Variants in MAN2A1 observed in about 807,000 individuals in gnomAD.
MAN2A1 encodes mannosidase alpha class 2A member 1.
A neutral mutation model predicts 142.6 loss-of-function variants in MAN2A1; 76 were observed. The ratio of observed to expected loss-of-function variants is 0.53; its 90% confidence interval spans 0.44 to 0.65. The LOEUF (loss-of-function observed/expected upper bound fraction) is 0.65, where lower values mean the gene tolerates loss of function less well. Ranked by LOEUF, MAN2A1 falls within the 30% of genes least tolerant of loss-of-function variation. The pLI, the probability that MAN2A1 is intolerant of heterozygous loss-of-function variation, is 0.00. For synonymous variants in MAN2A1, 559 were observed against 473.2 expected (o/e 1.18, Z -2.35); for missense variants, 1,311 against 1,365.1 (o/e 0.96, Z 0.62).
In MAN2A1 at chr5:109,790,740, A is replaced by T. The variant is rs1014241492; in HGVS notation, c.1943+1213A>T. On this transcript the variant is annotated intron_variant, in intron 12 of 21. Transcript: ENST00000261483. ...TTAGGCATAGTTCTCTCATCTATTA[A>T]CTTTTCTTTCTTTTTATATTTTGGT... 2.0e-5 allele frequency among the ~76,000 whole-genome samples: 3 copies of T among 151,976 alleles called. No homozygotes were observed. The East Asian group carries it at 5.8e-4, about 29-fold the overall frequency.
At chr5:109,789,413 C>T (rs760828460) in intron 11 of MAN2A1, 47 bp from the exon 12 acceptor site, 8 of 1,102,466 alleles carry the variant, frequency 7.3e-6, no homozygotes, top group Non-Finnish European at 1.1e-5. Context: ...CAGGATGAGT[C>T]CATGGAGTGT....
intron 13 of MAN2A1, among the ~76,000 whole-genome samples, chr5:109,819,000 C>G (rs757454764): frequency 2.0e-5 from 3 of 152,174 alleles, no homozygotes; most frequent in Non-Finnish European, 4.4e-5. Flanking sequence ...CAGATGATCC[C>G]TGACTTACAA....
intron 1 of MAN2A1, among the ~76,000 whole-genome samples, chr5:109,706,786 C>G (rs1257729337): frequency 6.6e-6 from 1 of 151,816 alleles, no homozygotes; most frequent in African/African-American, 2.4e-5. Flanking sequence ...GGTATAGATC[C>G]TAAGTTTCAG....
At chr5:109,701,199 A>T (rs569040273) in intron 1 of MAN2A1, among the ~76,000 whole-genome samples, 6 of 152,342 alleles carry the variant, frequency 3.9e-5, no homozygotes, top group Non-Finnish European at 7.3e-5. Context: ...AAGAGAACTC[A>T]AAAACAGAAA....
intron 1 of MAN2A1, chr5:109,699,481 C>T (rs1480059560): frequency 1.3e-5 from 2 of 151,968 alleles, no homozygotes; most frequent in Non-Finnish European, 2.9e-5. Flanking sequence ...GTTCTCACCA[C>T]AAAAAAGAAT....
chr5:109,782,091 G>T (rs528298432), intron 9 of MAN2A1, among the ~76,000 whole-genome samples: 5 of 152,260 alleles, frequency 3.3e-5, no homozygotes, highest in African/African-American at 1.2e-4. Context: ...CTTCATCTCA[G>T]TTCTTACATA....
At chr5:109,731,289 C>G (rs1751900277) in intron 4 of MAN2A1, among the ~76,000 whole-genome samples, 1 of 150,766 alleles carries the variant, frequency 6.6e-6, no homozygotes, top group South Asian at 2.1e-4. Context: ...AAGCAATTGA[C>G]CAATCAATTT....
In MAN2A1 at chr5:109,845,983, T is replaced by C. The variant is rs755214795; in HGVS notation, c.2819T>C (p.Leu940Ser). 94 of 1,612,750 alleles carry C rather than the reference T, an allele frequency of 5.8e-5. No individual in the cohort carries two copies. The highest frequency in any genetic ancestry group is 7.3e-5 in the Non-Finnish European group (86 of 1,179,356). Reference sequence around the variant, plus strand: ...TTGACACTGCTCTCTGCTCAGTCATTAGGGGTTTCGAGTTTGAATAGTGGT... The same window carrying C: ...TTGACACTGCTCTCTGCTCAGTCATCAGGGGTTTCGAGTTTGAATAGTGGT... ...HRLTLLSAQS[L>S]GVSSLNSGQI... Residue 940 changes from leucine (L) to serine (S), a missense_variant, in exon 18 of 22, where the codon TTA (leucine) becomes TCA (serine). Coordinates refer to ENST00000261483, the MANE Select transcript of MAN2A1 (RefSeq NM_002372.4).
Position 109,819,755 on chromosome 5 carries a change from T to A in MAN2A1, c.2196T>A (p.Asp732Glu), listed in dbSNP as rs765503328. 5 of 1,611,882 alleles carry A rather than the reference T, an allele frequency of 3.1e-6. No homozygotes were observed. Among genetic ancestry groups the A allele is most frequent in the Non-Finnish European group, 3.4e-6 (4 of 1,178,526 alleles). ...ESASSNSHLADYVLYKNKVED... is the reference protein window; with the variant it reads ...ESASSNSHLAEYVLYKNKVED... ...CAAGTTCAAATTCACATTTAGCTGA[T>A]TATGTCTTGTATAAGAATAAAGTAG... Residue 732 changes from aspartate to glutamate, a missense_variant, in exon 14 of 22, where the codon GAT becomes GAA. By Grantham distance (45) the Asp-to-Glu change is conservative (BLOSUM62 2). Coordinates refer to ENST00000261483, the MANE Select transcript of MAN2A1 (RefSeq NM_002372.4).
chr5:109,742,914 G>A (rs1752308027), intron 4 of MAN2A1, among the ~76,000 whole-genome samples: 1 of 152,192 alleles, frequency 6.6e-6, no homozygotes, highest in African/African-American at 2.4e-5. Context: ...CGTCTTGAGT[G>A]AGACGGCTAT....
intron 12 of MAN2A1, 89 bp from the exon 13 acceptor site, chr5:109,817,172 ATATATGTATATG>A (rs10524185): frequency 0.53 from 543,246 of 1,026,470 alleles, 148,648 homozygotes; most frequent in East Asian, 0.92. Context: ...TCTCAAAAAT[ATATATGTATATG>A]TATATGTATA....
intron 9 of MAN2A1, among the ~76,000 whole-genome samples, chr5:109,783,858 T>C (rs190319744): frequency 6.6e-6 from 1 of 152,128 alleles, no homozygotes; most frequent in East Asian, 1.9e-4. Context: ...CTTTAAAATA[T>C]ACTACAAAGG....
At position 109,734,775 on chromosome 5, in the gene MAN2A1, A is replaced by T. The variant is rs1426597996; in HGVS notation, c.707+5262A>T. The stretch of plus-strand genomic sequence containing the variant: ...TTCTGTTCTTTTACGTTTGCTGAGG[A>T]GGGCTTTACTTCCAACTATGTGGTC... On this transcript the variant is annotated intron_variant, in intron 4 of 21. Transcript: ENST00000261483. 4.6e-5 allele frequency among the ~76,000 whole-genome samples: 7 copies of T among 152,088 alleles called. No individual in the cohort carries two copies. In the South Asian group the frequency reaches 1.5e-3, roughly 32 times the overall value.
At chr5:109,808,912 A>T (rs1473862845) in intron 12 of MAN2A1, among the ~76,000 whole-genome samples, 1 of 151,980 alleles carries the variant, frequency 6.6e-6, no homozygotes, top group South Asian at 2.1e-4. Context: ...CATGTTTGCC[A>T]GGCTGGTCTC....
chr5:109,715,990 T>G (rs1751441595), intron 2 of MAN2A1, 130 bp from the exon 3 acceptor site: 2 of 552,056 alleles, frequency 3.6e-6, no homozygotes, highest in Non-Finnish European at 5.9e-6. Context: ...AACTCCTCAA[T>G]GTCTACAGAA....
intron 9 of MAN2A1, among the ~76,000 whole-genome samples, chr5:109,782,995 T>C (rs1303175431): frequency 2.0e-5 from 3 of 152,110 alleles, no homozygotes; most frequent in Admixed American, 6.5e-5. Flanking sequence ...TTACATATTA[T>C]AGTGACTATC....
intron 4 of MAN2A1, among the ~76,000 whole-genome samples, chr5:109,745,971 C>CT (rs35057292): frequency 1.3e-5 from 2 of 151,894 alleles, no homozygotes; most frequent in Non-Finnish European, 2.9e-5. Context: ...AGTTCTGTTA[C>CT]TTTTTTTTGT....
chr5:109,834,874 T>C (rs1483540928), intron 16 of MAN2A1, among the ~76,000 whole-genome samples: 1 of 152,170 alleles, frequency 6.6e-6, no homozygotes, highest in African/African-American at 2.4e-5. Context: ...TTAGATCTTA[T>C]AATGAATGGT....
At position 109,781,393 on chromosome 5, in the gene MAN2A1, T is replaced by C; in HGVS notation, c.1375-3T>C. 4 of 1,583,440 alleles carry C rather than the reference T, an allele frequency of 2.5e-6. No homozygotes were observed. Among genetic ancestry groups the C allele is most frequent in the Non-Finnish European group, 3.4e-6 (4 of 1,164,932 alleles). On this transcript the variant is annotated splice_region_variant and splice_polypyrimidine_tract_variant and intron_variant, in intron 8 of 21. Transcript: ENST00000261483. The stretch of plus-strand genomic sequence containing the variant: ...TAATTGAAGTGCATTTTTTTAAAAC[T>C]AGATACAGTTTGGAACTTTATCAGA...
Sources: gnomAD v4.1 joint callset for allele counts (sites outside exome capture counted in the v4.1 genomes callset) on GRCh38, gnomAD v4.1.1 for gene constraint, MANE v1.5 for transcripts, NCBI Gene and HGNC (gene_info 2026-07-23, HGNC 2026-07-21) for gene names.